The following MICU2 variants were observed in gnomAD, a reference collection of about 807,000 sequenced individuals.
The protein encoded by MICU2 is calcium uptake protein 2, mitochondrial.
In MICU2, 64 loss-of-function variants were observed where a neutral mutation model predicts 60.4. The ratio of observed to expected loss-of-function variants is 1.06; its 90% CI spans 0.87 to 1.31. The LOEUF (loss-of-function observed/expected upper bound fraction) is 1.31, where lower values mean the gene tolerates loss of function less well. Ranked by LOEUF, MICU2 falls within the 50% of genes most tolerant of loss-of-function variation. MICU2 has a pLI of 0.00. For synonymous variants in MICU2, 201 were observed against 175.0 expected (o/e 1.15, Z -1.17); for missense variants, 569 against 531.0 (o/e 1.07, Z -0.70).
intron 8 of MICU2, among the ~76,000 whole-genome samples, chr13:21,509,353 A>C (rs1886370079): frequency 6.6e-6 from 1 of 152,196 alleles, no homozygotes; most frequent in South Asian, 2.1e-4. Context: ...CTTTACTGGA[A>C]CATGTCCATG....
chr13:21,538,280 A>C lies in MICU2; in HGVS notation c.466+1022T>G, dbSNP rs117929610. Among the ~76,000 whole-genome samples, 1,077 of 152,100 alleles carry C rather than the reference A, an allele frequency of 7.1e-3. 7 individuals carry two copies. The highest frequency in any genetic ancestry group is 0.014 in the Middle Eastern group (4 of 294). ...ACCAACCGTGTATCAAAAATATTAAAAAAAAAAGGTCTGGTGTGGTGGCTC... is the reference window on the plus strand; with the variant it reads ...ACCAACCGTGTATCAAAAATATTAACAAAAAAAGGTCTGGTGTGGTGGCTC... On this transcript the variant is annotated intron_variant, in intron 4 of 11. Coordinates refer to ENST00000382374, the MANE Select transcript of MICU2 (RefSeq NM_152726.3).
At chr13:21,552,011 T>C (rs1421812801) in intron 2 of MICU2, among the ~76,000 whole-genome samples, 1 of 152,136 alleles carries the variant, frequency 6.6e-6, no homozygotes, top group East Asian at 1.9e-4. Flanking sequence ...ATCGCCACAC[T>C]GACTTCCACA....
At chr13:21,573,488 G>GGTTTCACC (rs1410230932) in intron 1 of MICU2, among the ~76,000 whole-genome samples, 3 of 152,058 alleles carry the variant, frequency 2.0e-5, no homozygotes. Flanking sequence ...TAGCCAGGAT[G>GGTTTCACC]GTCTTGATCT....
At chr13:21,521,479 G>T (rs1209123318) in intron 5 of MICU2, 152 bp from the exon 6 acceptor site, 1 of 599,196 alleles carries the variant, frequency 1.7e-6, no homozygotes, top group East Asian at 3.1e-5. Context: ...AATTCCAAAG[G>T]CTGATATTTG....
intron 2 of MICU2, among the ~76,000 whole-genome samples, chr13:21,550,337 G>C (rs547607781): frequency 1.3e-5 from 2 of 152,288 alleles, no homozygotes; most frequent in African/African-American, 4.8e-5. Flanking sequence ...AGGAGTTCAA[G>C]ACCAGCCTGG....
chr13:21,494,525 C>A (rs1490896586), intron 11 of MICU2, among the ~76,000 whole-genome samples: 1 of 152,142 alleles, frequency 6.6e-6, no homozygotes, highest in East Asian at 1.9e-4. Flanking sequence ...CAAATTCTAA[C>A]AATAATGCTT....
At chr13:21,553,931 C>T (rs375057105) in intron 2 of MICU2, among the ~76,000 whole-genome samples, 3 of 151,454 alleles carry the variant, frequency 2.0e-5, no homozygotes, top group East Asian at 2.0e-4. Context: ...AAAAGAGACA[C>T]AGAAGGCCAT....
intron 1 of MICU2, among the ~76,000 whole-genome samples, chr13:21,575,216 T>C (rs548656065): frequency 6.6e-6 from 1 of 152,154 alleles, no homozygotes; most frequent in African/African-American, 2.4e-5. Flanking sequence ...GATTTCTATC[T>C]GGAGAACAGT....
intron 1 of MICU2, among the ~76,000 whole-genome samples, chr13:21,592,594 T>C (rs1046288959): frequency 8.5e-5 from 13 of 152,198 alleles, no homozygotes; most frequent in East Asian, 3.8e-4. Flanking sequence ...CTGATGAACA[T>C]TGATGCGAAA....
At chr13:21,531,266 A>T in intron 4 of MICU2, 1 of 1,485,024 alleles carries the variant, frequency 6.7e-7, no homozygotes. Context: ...GATAGATTGG[A>T]AGATCCCTTC....
chr13:21,553,977 A>G (rs1392121689), intron 2 of MICU2, among the ~76,000 whole-genome samples: 14 of 152,238 alleles, frequency 9.2e-5, no homozygotes, highest in African/African-American at 1.4e-4. Flanking sequence ...AACAAGAAGA[A>G]CTAACTATCC....
At chr13:21,540,096 G>C (rs1390962205) in intron 2 of MICU2, among the ~76,000 whole-genome samples, 1 of 151,466 alleles carries the variant, frequency 6.6e-6, no homozygotes, top group African/African-American at 2.4e-5. Flanking sequence ...TCCTTTTTTT[G>C]AACTCTGGAA....
At chr13:21,547,084 G>A (rs551542280) in intron 2 of MICU2, among the ~76,000 whole-genome samples, 10 of 152,268 alleles carry the variant, frequency 6.6e-5, no homozygotes, top group African/African-American at 2.4e-4. Context: ...TAGGGGCAAA[G>A]CATTCAATCT....
intron 7 of MICU2, 141 bp from the exon 8 acceptor site, chr13:21,510,242 A>C: frequency 2.5e-6 from 1 of 406,772 alleles, no homozygotes; most frequent in Non-Finnish European, 4.2e-6. Flanking sequence ...TAAAAGAGGG[A>C]TAGAGCCATT....
intron 1 of MICU2, among the ~76,000 whole-genome samples, chr13:21,578,714 T>C (rs1325797027): frequency 6.6e-6 from 1 of 152,250 alleles, no homozygotes; most frequent in African/African-American, 2.4e-5. Flanking sequence ...GTATATACTC[T>C]GCTATGTGCA....
chr13:21,512,191 T>C (rs939342890), intron 7 of MICU2, among the ~76,000 whole-genome samples: 7 of 152,230 alleles, frequency 4.6e-5, no homozygotes, highest in Non-Finnish European at 1.0e-4. Context: ...TTAATTTGCA[T>C]TGCGCTAATG....
intron 9 of MICU2, among the ~76,000 whole-genome samples, chr13:21,501,924 C>T (rs150832247): frequency 6.6e-6 from 1 of 152,252 alleles, no homozygotes; most frequent in African/African-American, 2.4e-5. Flanking sequence ...CACAATGGAA[C>T]TGCGGCATGA....
At chr13:21,530,023 AC>A (rs1188291355) in intron 4 of MICU2, among the ~76,000 whole-genome samples, 1 of 152,206 alleles carries the variant, frequency 6.6e-6, no homozygotes, top group Non-Finnish European at 1.5e-5. Context: ...AGCAGATCTT[AC>A]ACCTTGCCCT....
chr13:21,559,530 T>C (rs1362322790), intron 2 of MICU2, among the ~76,000 whole-genome samples: 4 of 58,688 alleles, frequency 6.8e-5, no homozygotes, highest in Admixed American at 1.8e-4. Flanking sequence ...CTTTCTTTTC[T>C]TTTTTTTTTT....
Sources: gnomAD v4.1 joint callset for allele counts (sites outside exome capture counted in the v4.1 genomes callset) on GRCh38, gnomAD v4.1.1 for gene constraint, MANE v1.5 for transcripts, NCBI Gene and HGNC (gene_info 2026-07-23, HGNC 2026-07-21) for gene names.